CACNA1C: variants seen among roughly 807,000 people sequenced by gnomAD.
The protein encoded by CACNA1C is calcium voltage-gated channel subunit alpha1 C.
A neutral mutation model predicts 229.0 loss-of-function variants in CACNA1C; 30 were observed. The ratio of observed to expected loss-of-function variants is 0.13; its 90% CI spans 0.10 to 0.18. The LOEUF (loss-of-function observed/expected upper bound fraction) is 0.18. Among genes scored for constraint, CACNA1C ranks in the 10% least tolerant of loss-of-function variants. The probability of loss-of-function intolerance (pLI) is 1.00; values close to 1 mark genes in which losing one functional copy is unlikely to be tolerated. For missense variants in CACNA1C, 1,658 were observed against 2,845.0 expected (o/e 0.58, Z 9.49); for synonymous variants, 1,114 against 1,132.5 (o/e 0.98, Z 0.33).
Position 2,311,993 on chromosome 12 carries a change from T to G in CACNA1C, c.478-136983T>G, listed in dbSNP as rs1004122251. 6.6e-4 allele frequency among the ~76,000 whole-genome samples: 100 copies of G among 152,228 alleles called. 1 individual carries two copies. The highest frequency in any genetic ancestry group is 2.3e-3 in the African/African-American group (95 of 41,452). On this transcript the variant is annotated intron_variant, in intron 3 of 46. Coordinates refer to ENST00000399655, the MANE Select transcript of CACNA1C (RefSeq NM_000719.7). ...AAAGGCTCTTTGGGATTATGTAAACTAGGAGAACCCCTGGAATAGTCCTCA... is the reference window on the plus strand; with the variant it reads ...AAAGGCTCTTTGGGATTATGTAAACGAGGAGAACCCCTGGAATAGTCCTCA...
At position 2,365,025 on chromosome 12, in the gene CACNA1C, G is replaced by A. The variant is rs146883421; in HGVS notation, c.478-83951G>A. 3.5e-3 allele frequency among the ~76,000 whole-genome samples: 535 copies of A among 152,310 alleles called. 6 individuals are homozygous for A. Among genetic ancestry groups the A allele is most frequent in the Middle Eastern group, 0.02 (6 of 294 alleles). On this transcript the variant is annotated intron_variant, in intron 3 of 46. Transcript: ENST00000399655. ...ACAGGCTAGAAACAGAACAGCAGAC[G>A]CTGCCACAAAGGAATTGACCCAATG...
chr12:2,453,934 A>G (rs917907717), intron 4 of CACNA1C, among the ~76,000 whole-genome samples: 1 of 152,190 alleles, frequency 6.6e-6, no homozygotes, highest in Non-Finnish European at 1.5e-5. Context: ...ATTCTCCCTG[A>G]GGGTGCAGCT....
At chr12:2,378,956 G>A (rs751070172) in intron 3 of CACNA1C, among the ~76,000 whole-genome samples, 2 of 151,954 alleles carry the variant, frequency 1.3e-5, no homozygotes, top group Admixed American at 6.5e-5. Context: ...TTTTGTGGTC[G>A]CATTTAGGAA....
At position 2,666,845 on chromosome 12, in the gene CACNA1C, T is replaced by C; in HGVS notation, c.4623+63T>C. ...ATAGGGGAAGTGAAGTGCCCATTTC[T>C]TGTGATCCTTTAAGGGAATGAACAT... is the stretch of plus-strand genomic sequence containing the variant. On this transcript the variant is annotated intron_variant, in intron 37 of 46. Coordinates refer to ENST00000399655, the MANE Select transcript of CACNA1C (RefSeq NM_000719.7). The surrounding 1 kb of genome is among the most constrained non-coding windows in gnomAD (Gnocchi z 5.3). The C allele has an allele frequency of 1.0e-6, 1 of 953,046 alleles. No individual in the cohort carries two copies. The highest frequency in any genetic ancestry group is 1.7e-6 in the Non-Finnish European group (1 of 605,358). The allele number at this position is 953,046 out of a possible 1,614,324, so 59.0% of individuals were successfully genotyped here. A position where few individuals can be genotyped will look rare whatever the true frequency, so the allele number is the denominator to read the frequency against.
chr12:2,268,511 G>A (rs1047866479), intron 3 of CACNA1C, among the ~76,000 whole-genome samples: 2 of 152,218 alleles, frequency 1.3e-5, no homozygotes, highest in Admixed American at 1.3e-4. Context: ...GGGCAGGCTG[G>A]GGGTGTGGGG....
At chr12:2,091,764 G>A (rs936873604) in intron 1 of CACNA1C, among the ~76,000 whole-genome samples, 9 of 152,244 alleles carry the variant, frequency 5.9e-5, no homozygotes, top group African/African-American at 2.2e-4. Flanking sequence ...CTGCTATGTG[G>A]AAGGCAGGGG....
Position 2,685,827 on chromosome 12 carries a change from C to A in CACNA1C, c.5665C>A (p.Arg1889Ser), listed in dbSNP as rs185788586. ...IRQSPKRGFL[R>S]SASLGRRASF... ...GCAATCTCCGAAGAGGGGTTTCCTC[C>A]GCTCTGCCTCACTAGGTAAATGCAC... Residue 1889 changes from arginine (R) to serine (S), a missense_variant, in exon 44 of 47, where the codon CGC (arginine) becomes AGC (serine). Arg to Ser is a moderately radical substitution (Grantham distance 110). Transcript: ENST00000399655. The A allele has an allele frequency of 6.2e-7, 1 of 1,611,950 alleles. No homozygotes were observed. Among genetic ancestry groups the A allele is most frequent in the African/African-American group, 1.3e-5 (1 of 74,900 alleles).
intron 9 of CACNA1C, among the ~76,000 whole-genome samples, chr12:2,536,927 A>G (rs907146624): frequency 2.0e-5 from 3 of 152,246 alleles, no homozygotes; most frequent in Non-Finnish European, 4.4e-5. Flanking sequence ...TCCATTTCAC[A>G]CTGGGGAAAC....
At chr12:2,587,466 G>A (rs1321057037) in intron 18 of CACNA1C, among the ~76,000 whole-genome samples, 1 of 152,152 alleles carries the variant, frequency 6.6e-6, no homozygotes, top group Admixed American at 6.5e-5. Context: ...TTTCACACAG[G>A]CACCCAGCTG....
chr12:1,981,390 A>G (rs1168848075), intron 1 of CACNA1C, among the ~76,000 whole-genome samples: 2 of 152,220 alleles, frequency 1.3e-5, no homozygotes, highest in Non-Finnish European at 2.9e-5. Flanking sequence ...CAAATATTTA[A>G]TTGTGCACAT....
Position 2,486,387 on chromosome 12 carries a change from C to T in CACNA1C, c.916+125C>T, listed in dbSNP as rs1597772207. ...GGAAGGCCCCATTCATTCAGACACA[C>T]ACTGGGCATGGTTAAGTGAGAGGCA... On this transcript the variant is annotated intron_variant, in intron 6 of 46. Transcript: ENST00000399655. This position sits in a 1 kb window ranked among gnomAD's most constrained non-coding sequence, Gnocchi z 4.9. 2 of 694,712 alleles carry T rather than the reference C, an allele frequency of 2.9e-6. No individual in the cohort carries two copies. Among genetic ancestry groups the T allele is most frequent in the Non-Finnish European group, 4.6e-6 (2 of 434,324 alleles). 43.0% of individuals were successfully genotyped at this position (694,712 alleles called of 1,614,324 possible).
chr12:2,212,938 A>G lies in CACNA1C; in HGVS notation c.477+92508A>G, dbSNP rs1055296735. Among the ~76,000 whole-genome samples, 8 of 152,346 alleles carry G rather than the reference A, an allele frequency of 5.3e-5. No individual in the cohort carries two copies. In the East Asian group the frequency reaches 5.8e-4, roughly 11 times the overall value. On this transcript the variant is annotated intron_variant, in intron 3 of 46. Transcript: ENST00000399655. Reference sequence around the variant, plus strand: ...ATTCTATTGCATGTCCCTTGGAGATATTAACACATTGCTCAGTGATGTTGA... The same window carrying G: ...ATTCTATTGCATGTCCCTTGGAGATGTTAACACATTGCTCAGTGATGTTGA...
intron 9 of CACNA1C, among the ~76,000 whole-genome samples, chr12:2,524,213 G>A (rs2099814797): frequency 6.6e-6 from 1 of 152,232 alleles, no homozygotes; most frequent in Non-Finnish European, 1.5e-5. Context: ...CCACATGCAT[G>A]CCAGGCCATC....
intron 9 of CACNA1C, among the ~76,000 whole-genome samples, chr12:2,528,689 G>A (rs562411245): frequency 1.3e-5 from 2 of 152,356 alleles, no homozygotes; most frequent in South Asian, 4.1e-4. Context: ...GCAGGTCTCA[G>A]ATCCACTTCC....
chr12:2,274,118 G>C (rs1022886749), intron 3 of CACNA1C, among the ~76,000 whole-genome samples: 1 of 152,180 alleles, frequency 6.6e-6, no homozygotes, highest in Non-Finnish European at 1.5e-5. Flanking sequence ...CTAGAGCCTC[G>C]TGCCCTTATC....
At chr12:2,060,448 GTGGT>G (rs2057038124) in intron 1 of CACNA1C, among the ~76,000 whole-genome samples, 1 of 152,218 alleles carries the variant, frequency 6.6e-6, no homozygotes, top group Non-Finnish European at 1.5e-5. Context: ...CCCAGCAGTG[GTGGT>G]AGACTCAGCC....
intron 3 of CACNA1C, among the ~76,000 whole-genome samples, chr12:2,156,586 G>T (rs533892436): frequency 2.3e-4 from 35 of 152,336 alleles, no homozygotes; most frequent in African/African-American, 8.2e-4. Context: ...TGCTTACAGG[G>T]CTTTGCTTTT....
At chr12:2,013,136 C>T (rs1301970464) in intron 1 of CACNA1C, among the ~76,000 whole-genome samples, 1 of 152,178 alleles carries the variant, frequency 6.6e-6, no homozygotes, top group Non-Finnish European at 1.5e-5. Context: ...CTCAATCTCC[C>T]TCTAGCTGTG....
At position 2,404,510 on chromosome 12, in the gene CACNA1C, A is replaced by G. The variant is rs141406938; in HGVS notation, c.478-44466A>G. On this transcript the variant is annotated intron_variant, in intron 3 of 46. Transcript: ENST00000399655. ...AAATCAGTGACATTCAACCGTATAC[A>G]ATCCTGCATGATCAGACGATTTGTT... Among the ~76,000 whole-genome samples, 485 of 152,256 alleles carry G rather than the reference A, an allele frequency of 3.2e-3. 1 individual carries two copies. The highest frequency in any genetic ancestry group is 0.011 in the African/African-American group (460 of 41,534).
Sources: gnomAD v4.1 joint callset for allele counts (sites outside exome capture counted in the v4.1 genomes callset) on GRCh38, gnomAD v4.1.1 for gene constraint, Gnocchi (gnomAD v3.1) non-coding constraint, MANE v1.5 for transcripts, NCBI Gene and HGNC (gene_info 2026-07-23, HGNC 2026-07-21) for gene names.